The following SEMA5A variants were observed in gnomAD, a reference collection of about 807,000 sequenced individuals.
SEMA5A encodes semaphorin 5A, also known as semaphorin-5A.
A neutral mutation model predicts 135.5 loss-of-function variants in SEMA5A; 55 were observed. That is an observed-to-expected ratio of 0.41 (90% CI 0.33 to 0.51). The LOEUF (loss-of-function observed/expected upper bound fraction) is 0.51. Ranked by LOEUF, SEMA5A falls within the 20% of genes least tolerant of loss-of-function variation. The pLI is 0.37. For missense variants in SEMA5A, 1,290 were observed against 1,419.9 expected, an observed-to-expected ratio of 0.91 and a Z score of 1.47; for synonymous variants, 580 against 546.5, an observed-to-expected ratio of 1.06 and a Z score of -0.85.
At chr5:9,389,103 G>C (rs1230654535) in intron 2 of SEMA5A, among the ~76,000 whole-genome samples, 1 of 152,056 alleles carries the variant, frequency 6.6e-6, no homozygotes, top group Non-Finnish European at 1.5e-5. Context: ...TATGTAACTA[G>C]ATATCTCCAT....
At chr5:9,408,770 C>T (rs968276036) in intron 2 of SEMA5A, among the ~76,000 whole-genome samples, 2 of 152,158 alleles carry the variant, frequency 1.3e-5, no homozygotes, top group African/African-American at 4.8e-5. Flanking sequence ...TCACCATGAT[C>T]TCTGAACCAC....
chr5:9,424,868 T>C (rs1421368679), intron 2 of SEMA5A, among the ~76,000 whole-genome samples: 2 of 152,196 alleles, frequency 1.3e-5, no homozygotes, highest in African/African-American at 4.8e-5. Context: ...CCATCACGCC[T>C]GACCCCATCA....
At chr5:9,174,210 C>A (rs1047368592) in intron 11 of SEMA5A, among the ~76,000 whole-genome samples, 3 of 152,168 alleles carry the variant, frequency 2.0e-5, no homozygotes, top group African/African-American at 7.2e-5. Context: ...TTACTGCAGA[C>A]ATTCTGGTGA....
In SEMA5A at chr5:9,226,954, TTC is replaced by T; in HGVS notation, c.345_346del (p.Asn116LeufsTer34). The stretch of plus-strand genomic sequence containing the variant: ...ACCCACCAGAAGCACCCGGATGTAG[TTC>T]TGACATTCCTCCTGAGGGAAAATAA... On this transcript the variant is annotated frameshift_variant, in exon 7 of 23. Coordinates refer to ENST00000382496, the MANE Select transcript of SEMA5A (RefSeq NM_003966.3). LOFTEE classifies it high-confidence loss of function. 1.3e-6 allele frequency: 2 copies of T among 1,537,462 alleles called. No individual in the cohort carries two copies. The highest frequency in any genetic ancestry group is 8.8e-7 in the Non-Finnish European group (1 of 1,138,566).
intron 5 of SEMA5A, among the ~76,000 whole-genome samples, chr5:9,291,758 GTTC>G (rs1409744346): frequency 7.4e-6 from 1 of 134,958 alleles, no homozygotes; most frequent in Non-Finnish European, 1.6e-5. Flanking sequence ...TCTCAGCCAA[GTTC>G]TTTTTTTTTT....
intron 2 of SEMA5A, among the ~76,000 whole-genome samples, chr5:9,429,961 G>A (rs1029666367): frequency 1.3e-5 from 2 of 152,196 alleles, no homozygotes; most frequent in Non-Finnish European, 2.9e-5. Context: ...AAAAGACCAC[G>A]GAGGCCCAAG....
chr5:9,075,525 C>A (rs1738002518), intron 16 of SEMA5A, among the ~76,000 whole-genome samples: 1 of 144,604 alleles, frequency 6.9e-6, no homozygotes, highest in Admixed American at 7.2e-5. Flanking sequence ...AACAAAGCAT[C>A]TGAAAATAAT....
chr5:9,444,165 TTA>T (rs1174605765), intron 1 of SEMA5A, among the ~76,000 whole-genome samples: 1 of 151,680 alleles, frequency 6.6e-6, no homozygotes, highest in African/African-American at 2.4e-5. Flanking sequence ...AAATTTTTTT[TTA>T]GTTTATTTTT....
Position 9,254,429 on chromosome 5 carries a change from G to T in SEMA5A, c.271-16539C>A, listed in dbSNP as rs150214257. On this transcript the variant is annotated intron_variant, in intron 5 of 22. Coordinates refer to ENST00000382496, the MANE Select transcript of SEMA5A (RefSeq NM_003966.3). The stretch of plus-strand genomic sequence containing the variant: ...GAAGTTCTTGAGAGATAAGAGAGAC[G>T]TATGCTTGCTGAAAACAGGTACCAG... Among the ~76,000 whole-genome samples the T allele has an allele frequency of 2.2e-4, 33 of 152,270 alleles. No individual in the cohort carries two copies. In the East Asian group the frequency reaches 6.0e-3, roughly 28 times the overall value.
chr5:9,424,945 C>T (rs1039084350), intron 2 of SEMA5A, among the ~76,000 whole-genome samples: 2 of 152,204 alleles, frequency 1.3e-5, no homozygotes, highest in South Asian at 2.1e-4. Context: ...TTCTCTGACC[C>T]AGTGGTGACC....
At chr5:9,229,749 A>T (rs945879033) in intron 6 of SEMA5A, among the ~76,000 whole-genome samples, 4 of 151,712 alleles carry the variant, frequency 2.6e-5, no homozygotes, top group Admixed American at 2.6e-4. Context: ...AAAAAGCAAG[A>T]GCTTGCCCCA....
At chr5:9,081,036 C>T (rs902234413) in intron 16 of SEMA5A, among the ~76,000 whole-genome samples, 3 of 152,192 alleles carry the variant, frequency 2.0e-5, no homozygotes, top group Non-Finnish European at 4.4e-5. Context: ...CTTTTGCTGG[C>T]TTTGAAGAAG....
Position 9,318,285 on chromosome 5 carries a change from C to T in SEMA5A, c.270+87G>A. ...AGCCCCTGCTCAGGCTGGATTAACA[C>T]CTTTACATGCATCTGTCTTCATCCC... On this transcript the variant is annotated intron_variant, in intron 5 of 22. Coordinates refer to ENST00000382496, the MANE Select transcript of SEMA5A (RefSeq NM_003966.3). 4 of 1,330,498 alleles carry T rather than the reference C, an allele frequency of 3.0e-6. No individual in the cohort carries two copies. In the South Asian group the frequency reaches 3.8e-5, roughly 13 times the overall value. The allele number at this position is 1,330,498 out of a possible 1,614,324, so 82.4% of individuals were successfully genotyped here.
intron 10 of SEMA5A, among the ~76,000 whole-genome samples, chr5:9,196,337 G>A (rs1040536421): frequency 3.3e-5 from 5 of 152,108 alleles, no homozygotes; most frequent in African/African-American, 1.2e-4. Flanking sequence ...AAAACAGGAA[G>A]AGATACCCCA....
chr5:9,197,103 T>C, intron 10 of SEMA5A, 65 bp downstream of exon 10: 1 of 1,600,728 alleles, frequency 6.2e-7, no homozygotes, highest in South Asian at 1.1e-5. Context: ...CTTGCCTGTC[T>C]ACACAAGGCT....
At chr5:9,257,747 C>A (rs988357474) in intron 5 of SEMA5A, among the ~76,000 whole-genome samples, 1 of 152,126 alleles carries the variant, frequency 6.6e-6, no homozygotes, top group Non-Finnish European at 1.5e-5. Flanking sequence ...CCATTACATG[C>A]ATCAAGGTGG....
intron 12 of SEMA5A, among the ~76,000 whole-genome samples, chr5:9,151,002 C>T (rs1041199777): frequency 2.0e-5 from 3 of 152,140 alleles, no homozygotes; most frequent in African/African-American, 4.8e-5. Flanking sequence ...GGGGCAGTCT[C>T]GGCTCTGACC....
intron 4 of SEMA5A, among the ~76,000 whole-genome samples, chr5:9,336,017 A>G (rs1208176408): frequency 6.6e-6 from 1 of 152,148 alleles, no homozygotes; most frequent in African/African-American, 2.4e-5. Context: ...GTAGATGTCC[A>G]GTATGTTACT....
chr5:9,290,484 T>C (rs1751024545), intron 5 of SEMA5A, among the ~76,000 whole-genome samples: 1 of 152,224 alleles, frequency 6.6e-6, no homozygotes, highest in Admixed American at 6.5e-5. Flanking sequence ...CAGTTGAGTA[T>C]TGTGCTGCTA....
Sources: gnomAD v4.1 joint callset for allele counts (sites outside exome capture counted in the v4.1 genomes callset) on GRCh38, gnomAD v4.1.1 for gene constraint, MANE v1.5 for transcripts, NCBI Gene and HGNC (gene_info 2026-07-23, HGNC 2026-07-21) for gene names.